FRMPD3: variants seen among roughly 807,000 people sequenced by gnomAD.
FRMPD3 encodes FERM and PDZ domain-containing protein 3.
FRMPD3 carries 42 observed loss-of-function variants against 97.9 expected under a neutral mutation model. The ratio of observed to expected loss-of-function variants is 0.43; its 90% CI spans 0.34 to 0.55. The LOEUF is 0.55. FRMPD3 is among the 20% of genes least tolerant of loss of function. The pLI, the probability that FRMPD3 is intolerant of heterozygous loss-of-function variation, is 0.03. For synonymous variants in FRMPD3, 577 were observed against 581.1 expected, an observed-to-expected ratio of 0.99 and a Z score of 0.10; for missense variants, 1,303 against 1,457.7, an observed-to-expected ratio of 0.89 and a Z score of 1.73.
intron 1 of FRMPD3, among the ~76,000 whole-genome samples, chrX:107,452,669 C>T (rs1402741498): frequency 1.8e-5 from 2 of 111,742 alleles, no homozygotes; most frequent in Non-Finnish European, 3.8e-5. Context: ...GCCTCTACCC[C>T]ACTGGAGGAG....
chrX:107,524,432 TC>T (rs1922614682), intron 1 of FRMPD3, among the ~76,000 whole-genome samples: 2 of 112,125 alleles, frequency 1.8e-5, no homozygotes, highest in Admixed American at 9.4e-5. Context: ...CATCCTAGCA[TC>T]CCCTTCCACC....
Position 107,603,248 on chromosome X carries a change from C to A in FRMPD3, c.5209C>A (p.Gln1737Lys). The change falls in exon 15 of 15, where the codon CAG (glutamine) becomes AAG (lysine). Residue 1737 changes from glutamine to lysine, a missense_variant. Coordinates refer to ENST00000683843, the MANE Select transcript of FRMPD3 (RefSeq NM_001388459.1). ...QQQQQQQQQQ[Q>K]QQQQQQVAAA... Reference sequence around the variant, plus strand: ...ACAACAACAGCAGCAGCAACAACAACAGCAGCAGCAGCAGCAGCAGGTGGC... The same window carrying A: ...ACAACAACAGCAGCAGCAACAACAAAAGCAGCAGCAGCAGCAGCAGGTGGC... The A allele has an allele frequency of 9.1e-7, 1 of 1,100,108 alleles. No individual in the cohort carries two copies. 90.7% of individuals were successfully genotyped at this position (1,100,108 alleles called of 1,213,427 possible).
At chrX:107,538,315 T>C (rs1414578803) in intron 4 of FRMPD3, among the ~76,000 whole-genome samples, 3 of 110,500 alleles carry the variant, frequency 2.7e-5, no homozygotes, top group Admixed American at 9.7e-5. Context: ...CTTCTCTCTT[T>C]AGCTATACTG....
intron 1 of FRMPD3, among the ~76,000 whole-genome samples, chrX:107,492,992 A>G (rs756788320): frequency 9.1e-6 from 1 of 109,551 alleles, no homozygotes; most frequent in Admixed American, 9.7e-5. Context: ...AGCCTGGGAA[A>G]CATAATGAGA....
In FRMPD3 at chrX:107,449,952, CGGAGGA is replaced by C. The variant is rs995387705; in HGVS notation, c.-42_-37del. On this transcript the variant is annotated 5_prime_UTR_variant, in exon 1 of 15. Transcript: ENST00000683843. ...CGCCGCTGCCGCGCCGCTGAGGAGG[CGGAGGA>C]GGAGGAGGAGGAGGAGGAAGAGGAG... Among the ~76,000 whole-genome samples, 22 of 108,791 alleles carry C rather than the reference CGGAGGA, an allele frequency of 2.0e-4. No homozygotes were observed. Among genetic ancestry groups the C allele is most frequent in the Non-Finnish European group, 3.9e-4 (20 of 51,674 alleles). 94.5% of individuals were successfully genotyped at this position (108,791 alleles called of 115,157 possible). A position where few individuals can be genotyped will look rare whatever the true frequency, so the allele number is the denominator to read the frequency against.
chrX:107,489,529 T>G (rs369186668), intron 1 of FRMPD3, among the ~76,000 whole-genome samples: 29 of 112,159 alleles, frequency 2.6e-4, no homozygotes, highest in Admixed American at 3.8e-4. Context: ...ATCGCCATTC[T>G]AACTGGTGTG....
intron 1 of FRMPD3, among the ~76,000 whole-genome samples, chrX:107,506,871 G>T (rs1456223216): frequency 8.9e-6 from 1 of 112,003 alleles, no homozygotes; most frequent in Non-Finnish European, 1.9e-5. Flanking sequence ...AGGTTTCTAA[G>T]GTGTCTTCCT....
chrX:107,562,014 G>A (rs111277401), intron 10 of FRMPD3, among the ~76,000 whole-genome samples: 1,401 of 112,312 alleles, frequency 0.012, 34 homozygotes, highest in African/African-American at 0.044. Flanking sequence ...AAGCACAGAG[G>A]AAGAACACTA....
chrX:107,473,235 C>T (rs1343342051), intron 1 of FRMPD3, among the ~76,000 whole-genome samples: 1 of 112,073 alleles, frequency 8.9e-6, no homozygotes, highest in Non-Finnish European at 1.9e-5. Context: ...GCCTTTCTCT[C>T]TTTTTCTACG....
chrX:107,585,428 CTTTA>C (rs1923599260), intron 13 of FRMPD3, among the ~76,000 whole-genome samples: 1 of 111,619 alleles, frequency 9.0e-6, no homozygotes, highest in South Asian at 3.7e-4. Flanking sequence ...TTTGAATACA[CTTTA>C]TTTCTTTCTT....
chrX:107,593,687 C>T (rs1263706804), intron 13 of FRMPD3, among the ~76,000 whole-genome samples: 2 of 111,343 alleles, frequency 1.8e-5, no homozygotes, highest in Non-Finnish European at 3.8e-5. Context: ...TTTGCTCTGT[C>T]GAAGATCAGT....
intron 1 of FRMPD3, among the ~76,000 whole-genome samples, chrX:107,487,126 C>T (rs1314100025): frequency 1.0e-4 from 11 of 108,375 alleles, no homozygotes; most frequent in African/African-American, 3.0e-4. Flanking sequence ...TGGTGGCGGG[C>T]GCCTGTAATC....
intron 2 of FRMPD3, among the ~76,000 whole-genome samples, chrX:107,529,119 G>A (rs1401305420): frequency 8.9e-6 from 1 of 112,114 alleles, no homozygotes; most frequent in Non-Finnish European, 1.9e-5. Context: ...TTTGAGTCAG[G>A]CTGGTTCTGA....
intron 12 of FRMPD3, among the ~76,000 whole-genome samples, chrX:107,567,501 G>A (rs1922655226): frequency 8.9e-6 from 1 of 112,424 alleles, no homozygotes; most frequent in African/African-American, 3.2e-5. Context: ...CCACAAGAGG[G>A]TGTTTTAAGC....
At chrX:107,452,915 G>C (rs1207022571) in intron 1 of FRMPD3, among the ~76,000 whole-genome samples, 2 of 108,750 alleles carry the variant, frequency 1.8e-5, no homozygotes, top group Non-Finnish European at 3.8e-5. Flanking sequence ...GGAGATGGGG[G>C]TGGGGGTGGG....
At chrX:107,589,354 T>G (rs1021122816) in intron 13 of FRMPD3, among the ~76,000 whole-genome samples, 1 of 111,170 alleles carries the variant, frequency 9.0e-6, no homozygotes, top group Non-Finnish European at 1.9e-5. Context: ...CCCTCTTCCG[T>G]ACGGCTGCTG....
intron 13 of FRMPD3, among the ~76,000 whole-genome samples, chrX:107,583,740 A>G (rs1347327905): frequency 1.8e-5 from 2 of 111,174 alleles, no homozygotes; most frequent in Non-Finnish European, 3.8e-5. Context: ...CCACAGCCTC[A>G]CTAGCATTTA....
chrX:107,546,793 T>A lies in FRMPD3; in HGVS notation c.402+952T>A, dbSNP rs1216409327. 2.7e-5 allele frequency among the ~76,000 whole-genome samples: 3 copies of A among 112,112 alleles called. No homozygotes were observed. In the East Asian group the frequency reaches 8.4e-4, roughly 31 times the overall value. ...CAGAGCTGTCTGGAGGCCCTTGGCA[T>A]TTACGTACTGAGGAACAGCCACAGT... On this transcript the variant is annotated intron_variant, in intron 5 of 14. Coordinates refer to ENST00000683843, the MANE Select transcript of FRMPD3 (RefSeq NM_001388459.1).
In FRMPD3 at chrX:107,597,772, T is replaced by A. The variant is rs1248688235; in HGVS notation, c.1893T>A (p.Pro631=). The part of the protein sequence containing the change: ...EQLGPRKGGK[P]GSSRDNIVDL... Reference sequence around the variant, plus strand: ...TGGGCCCTCGCAAAGGTGGGAAGCCTGGCTCCTCTCGTGACAATATAGTAG... The same window carrying A: ...TGGGCCCTCGCAAAGGTGGGAAGCCAGGCTCCTCTCGTGACAATATAGTAG... Residue 631 remains proline, a synonymous_variant, in exon 14 of 15, where the codon CCT becomes CCA. Transcript: ENST00000683843. The A allele has an allele frequency of 9.3e-6, 11 of 1,185,899 alleles. No homozygotes were observed. The highest frequency in any genetic ancestry group is 1.0e-5 in the Non-Finnish European group (9 of 883,569).
Sources: gnomAD v4.1 joint callset for allele counts (sites outside exome capture counted in the v4.1 genomes callset) on GRCh38, gnomAD v4.1.1 for gene constraint, MANE v1.5 for transcripts, NCBI Gene and HGNC (gene_info 2026-07-23, HGNC 2026-07-21) for gene names.